Variants in RP1L1 observed in about 807,000 individuals in gnomAD.
The protein encoded by RP1L1 is RP1 like 1, also known as retinitis pigmentosa 1-like 1 protein.
Under a neutral mutation model 15.7 loss-of-function variants are expected in RP1L1, and 27 were observed. The ratio of observed to expected loss-of-function variants is 1.72; its 90% confidence interval spans 1.27 to 2.38. The LOEUF (loss-of-function observed/expected upper bound fraction) is 2.38. Ranked by LOEUF, RP1L1 falls within the 30% of genes most tolerant of loss-of-function variation. The pLI is 0.00. For synonymous variants in RP1L1, 1,813 were observed against 1,276.7 expected (o/e 1.42, Z -8.96); for missense variants, 4,798 against 3,075.9 (o/e 1.56, Z -13.24).
In RP1L1 at chr8:10,611,053, T is replaced by G. The variant is rs1466828625; in HGVS notation, c.3045A>C (p.Glu1015Asp). 6.2e-7 allele frequency: 1 copy of G among 1,612,754 alleles called. No homozygotes were observed. Among genetic ancestry groups the G allele is most frequent in the Non-Finnish European group, 8.5e-7 (1 of 1,179,978 alleles). ...GCTCTGGGTCCTGGCCGGGGTCCCC[T>G]TCCAGGGACTGCTGTCCCGCCTGAG... ...EPAQAGQQSL[E>D]GDPGQDPEPE... The change falls in exon 4 of 4, where the codon GAA becomes GAC. Residue 1015 changes from glutamate to aspartate, a missense_variant. Physicochemically the swap from Glu to Asp is conservative, Grantham distance 45. Transcript: ENST00000382483.
chr8:10,651,501 G>C (rs888552740), intron 1 of RP1L1, among the ~76,000 whole-genome samples: 2 of 152,136 alleles, frequency 1.3e-5, no homozygotes, highest in Non-Finnish European at 2.9e-5. Context: ...GGCTGAGGTG[G>C]GCAGATCACG....
chr8:10,650,341 A>G (rs1487923758), intron 1 of RP1L1, among the ~76,000 whole-genome samples: 1 of 152,188 alleles, frequency 6.6e-6, no homozygotes, highest in Admixed American at 6.5e-5. Context: ...GAAGCATCCT[A>G]GCTGCTAATA....
At position 10,612,037 on chromosome 8, in the gene RP1L1, C is replaced by A; in HGVS notation, c.2061G>T (p.Pro687=). ...PLDSSVTKQV[P]RPPERRRACQ... ...AGGCCCTTCGCCGCTCAGGAGGCCT[C>A]GGCACTTGCTTGGTTACAGAGGAGT... The change falls in exon 4 of 4, where the codon CCG becomes CCT. Residue 687 remains proline (P), a synonymous_variant. Coordinates refer to ENST00000382483, the MANE Select transcript of RP1L1 (RefSeq NM_178857.6). 6.2e-7 allele frequency: 1 copy of A among 1,613,874 alleles called. No homozygotes were observed. Among genetic ancestry groups the A allele is most frequent in the Non-Finnish European group, 8.5e-7 (1 of 1,180,040 alleles).
At chr8:10,651,150 G>C (rs1188016290) in intron 1 of RP1L1, among the ~76,000 whole-genome samples, 1 of 152,170 alleles carries the variant, frequency 6.6e-6, no homozygotes, top group Non-Finnish European at 1.5e-5. Flanking sequence ...AAACTCCAAG[G>C]CTGTTCTTCC....
chr8:10,649,140 G>A (rs1322746604), intron 1 of RP1L1, among the ~76,000 whole-genome samples: 3 of 152,214 alleles, frequency 2.0e-5, no homozygotes, highest in African/African-American at 4.8e-5. Flanking sequence ...CAGTGGATTC[G>A]CAAAGCTTTC....
intron 2 of RP1L1, among the ~76,000 whole-genome samples, chr8:10,620,685 T>C (rs1157483698): frequency 6.6e-6 from 1 of 152,176 alleles, no homozygotes; most frequent in Non-Finnish European, 1.5e-5. Flanking sequence ...AGGCTTCTCA[T>C]GACAATGAGC....
intron 3 of RP1L1, among the ~76,000 whole-genome samples, chr8:10,614,927 A>C (rs547444768): frequency 4.1e-4 from 62 of 152,330 alleles, no homozygotes; most frequent in Non-Finnish European, 5.9e-4. Flanking sequence ...AGTATAATAA[A>C]AATAAATAAA....
At chr8:10,613,403 G>C in intron 3 of RP1L1, 57 bp from the exon 4 acceptor site, 1 of 1,595,668 alleles carries the variant, frequency 6.3e-7, no homozygotes, top group Non-Finnish European at 8.5e-7. Flanking sequence ...CATGGGGGCA[G>C]CATCAGGATA....
At chr8:10,652,883 G>A (rs752980132) in intron 1 of RP1L1, among the ~76,000 whole-genome samples, 1 of 152,130 alleles carries the variant, frequency 6.6e-6, no homozygotes, top group Non-Finnish European at 1.5e-5. Flanking sequence ...CAGGTGCCTA[G>A]CTAATGTTAC....
Position 10,611,466 on chromosome 8 carries a change from G to A in RP1L1, c.2632C>T (p.Gln878Ter). The change falls in exon 4 of 4, where the codon CAA (glutamine) becomes TAA (stop). Residue 878 changes from glutamine to a stop codon, truncating the protein, a stop_gained. Transcript: ENST00000382483. LOFTEE classifies it low-confidence loss of function (END_TRUNC). ...SSCGSTGSSH[Q>*]STARGPGGSP... ...CCACCTGGCCCCCGGGCAGTGCTTT[G>A]GTGGCTGCTGCCGGTGCTCCCACAG... 1 of 1,570,226 alleles carries A rather than the reference G, an allele frequency of 6.4e-7. No homozygotes were observed. The highest frequency in any genetic ancestry group is 1.1e-5 in the South Asian group (1 of 87,078).
chr8:10,611,697 G>T lies in RP1L1; in HGVS notation c.2401C>A (p.Gln801Lys). The change falls in exon 4 of 4, where the codon CAG becomes AAG. Residue 801 changes from glutamine (Q) to lysine (K), a missense_variant. Coordinates refer to ENST00000382483, the MANE Select transcript of RP1L1 (RefSeq NM_178857.6). Reference protein sequence around the residue: ...SLGEEARDTPQPSSPLVLQVG... With the variant: ...SLGEEARDTPKPSSPLVLQVG... The stretch of plus-strand genomic sequence containing the variant: ...TGCAGAACCAAGGGTGAGGAGGGCT[G>T]AGGCGTGTCCCTGGCCTCTTCCCCC... 6.2e-7 allele frequency: 1 copy of T among 1,613,510 alleles called. No individual in the cohort carries two copies. The highest frequency in any genetic ancestry group is 8.5e-7 in the Non-Finnish European group (1 of 1,180,004).
chr8:10,614,151 A>G (rs11985360), intron 3 of RP1L1, among the ~76,000 whole-genome samples: 2,027 of 152,226 alleles, frequency 0.013, 41 homozygotes, highest in African/African-American at 0.046. Context: ...AGCAGGTGAA[A>G]TCAATAAACT....
intron 3 of RP1L1, among the ~76,000 whole-genome samples, chr8:10,613,868 T>C (rs1797922643): frequency 6.6e-6 from 1 of 152,176 alleles, no homozygotes; most frequent in South Asian, 2.1e-4. Flanking sequence ...GTCTGTGAAC[T>C]GGCATTGTCT....
Position 10,608,452 on chromosome 8 carries a change from C to T in RP1L1, c.5646G>A (p.Glu1882=). ...EDVEAPEAEG[E]AQPESEDVET... ...CTACATCTTCTGACTCTGGCTGGGC[C>T]TCTCCTTCTGCCTCTGGGGCCTCTA... Residue 1882 remains glutamate (E), a synonymous_variant, in exon 4 of 4, where the codon GAG becomes GAA. Transcript: ENST00000382483. 2.1e-5 allele frequency: 33 copies of T among 1,594,862 alleles called. No homozygotes were observed. Among genetic ancestry groups the T allele is most frequent in the Non-Finnish European group, 2.8e-5 (33 of 1,165,686 alleles).
intron 1 of RP1L1, among the ~76,000 whole-genome samples, chr8:10,638,449 C>A (rs1798361943): frequency 6.6e-6 from 1 of 152,028 alleles, no homozygotes; most frequent in Admixed American, 6.6e-5. Context: ...ATTTTTTATC[C>A]CACGAAATTA....
rs912153568 is a variant in RP1L1 at position 10,607,574 on chromosome 8, G to T, written c.6524C>A (p.Pro2175Gln). ...TGGGGCCTCTACACCTTCTAACTCT[G>T]GTTGGGCCTCCTCTTCAGCCTCCTG... Reference protein sequence around the residue: ...EAQEAEEEAQPELEGVEAPEA... With the variant: ...EAQEAEEEAQQELEGVEAPEA... Residue 2175 changes from proline (P) to glutamine (Q), a missense_variant, in exon 4 of 4, where the codon CCA becomes CAA. Coordinates refer to ENST00000382483, the MANE Select transcript of RP1L1 (RefSeq NM_178857.6). The T allele has an allele frequency of 6.4e-7, 1 of 1,565,522 alleles. No homozygotes were observed. Among genetic ancestry groups the T allele is most frequent in the African/African-American group, 1.4e-5 (1 of 72,140 alleles).
In RP1L1 at chr8:10,609,861, C is replaced by T. The variant is rs1797796915; in HGVS notation, c.4237G>A (p.Ala1413Thr). The part of the protein sequence containing the change: ...GSVHGQELSE[A>T]SSPDGKGSQE... ...GAGCCTTTCCCATCCGGAGAGCTGG[C>T]CTCTGACAATTCCTGCCCGTGGACG... Residue 1413 changes from alanine to threonine, a missense_variant, in exon 4 of 4, where the codon GCC becomes ACC. By Grantham distance (58) the Ala-to-Thr change is moderately conservative (BLOSUM62 0). Transcript: ENST00000382483. The T allele has an allele frequency of 1.9e-6, 3 of 1,614,172 alleles. No homozygotes were observed. Among genetic ancestry groups the T allele is most frequent in the East Asian group, 2.2e-5 (1 of 44,870 alleles).
rs186594522 is a variant in RP1L1 at position 10,619,456 on chromosome 8, C to T, written c.610-2869G>A. The stretch of plus-strand genomic sequence containing the variant: ...CCAGCAATGGTGGGGTAATTCAGAG[C>T]ACAGTCATTCCAGAGGCAACCCCCC... On this transcript the variant is annotated intron_variant, in intron 2 of 3. Transcript: ENST00000382483. Among the ~76,000 whole-genome samples the T allele has an allele frequency of 1.2e-4, 18 of 152,304 alleles. No individual in the cohort carries two copies. The East Asian group carries it at 3.1e-3, about 26-fold the overall frequency.
intron 1 of RP1L1, among the ~76,000 whole-genome samples, chr8:10,645,787 T>C (rs1286826154): frequency 6.6e-6 from 1 of 152,104 alleles, no homozygotes; most frequent in African/African-American, 2.4e-5. Flanking sequence ...CAGAGTCAAT[T>C]AGACCAGGCA....
Sources: allele counts gnomAD v4.1 joint callset (sites outside exome capture counted in the v4.1 genomes callset), GRCh38; gene constraint gnomAD v4.1.1; transcripts MANE v1.5; gene names NCBI Gene and HGNC (gene_info 2026-07-23, HGNC 2026-07-21).